Variants in DDX10 observed in about 807,000 individuals in gnomAD.
DDX10 encodes the protein probable ATP-dependent RNA helicase DDX10.
DDX10 carries 74 observed loss-of-function variants against 104.3 expected under a neutral mutation model. The observed-to-expected ratio is 0.71, with a 90% CI of 0.59 to 0.86. The LOEUF (loss-of-function observed/expected upper bound fraction) is 0.86, where lower values mean the gene tolerates loss of function less well. Among genes scored for constraint, DDX10 ranks in the 40% least tolerant of loss-of-function variants. The pLI, the probability that DDX10 is intolerant of heterozygous loss-of-function variation, is 0.00. For synonymous variants in DDX10, 351 were observed against 353.4 expected (o/e 0.99, Z 0.08); for missense variants, 952 against 1,040.0 (o/e 0.92, Z 1.16).
chr11:108,826,728 A>G (rs1175953204), intron 13 of DDX10, among the ~76,000 whole-genome samples: 3 of 152,340 alleles, frequency 2.0e-5, no homozygotes, highest in East Asian at 3.9e-4. Context: ...AGGTGATCAC[A>G]TCCGCATGCA....
chr11:108,890,536 T>G (rs1863361544), intron 16 of DDX10, among the ~76,000 whole-genome samples: 1 of 151,640 alleles, frequency 6.6e-6, no homozygotes, highest in African/African-American at 2.4e-5. Context: ...AACATGGTAC[T>G]TGCTGCTAGA....
At chr11:108,761,540 A>G (rs74576900) in intron 13 of DDX10, among the ~76,000 whole-genome samples, 2,208 of 152,104 alleles carry the variant, frequency 0.015, 22 homozygotes, top group Non-Finnish European at 0.019. Context: ...TTTTCCTATC[A>G]TTGTGTTGTC....
chr11:108,739,777 G>C (rs994084927), intron 13 of DDX10, among the ~76,000 whole-genome samples: 3 of 152,054 alleles, frequency 2.0e-5, no homozygotes, highest in Admixed American at 6.6e-5. Context: ...TGAAAAGCTG[G>C]GTCAGATGCC....
At chr11:108,718,109 G>T (rs2094293813) in intron 11 of DDX10, among the ~76,000 whole-genome samples, 1 of 152,010 alleles carries the variant, frequency 6.6e-6, no homozygotes, top group Non-Finnish European at 1.5e-5. Context: ...AGGTTATAGT[G>T]AGCCAAGATT....
Position 108,836,671 on chromosome 11 carries a change from TAG to T in DDX10, c.1966-1773_1966-1772del, listed in dbSNP as rs1862559655. ...CCAGCTAATTTTTTTATATTTTTAG[TAG>T]ATTCGGGGTTTTGCTGTGTTGGCTG... On this transcript the variant is annotated intron_variant, in intron 13 of 17. Transcript: ENST00000322536. Among the ~76,000 whole-genome samples the T allele has an allele frequency of 2.6e-5, 4 of 152,192 alleles. No individual in the cohort carries two copies. In the South Asian group the frequency reaches 8.3e-4, roughly 32 times the overall value.
At chr11:108,759,858 T>G (rs1393794858) in intron 13 of DDX10, among the ~76,000 whole-genome samples, 1 of 152,054 alleles carries the variant, frequency 6.6e-6, no homozygotes, top group African/African-American at 2.4e-5. Context: ...ATATTTAGTA[T>G]TATTATAAAA....
At position 108,770,631 on chromosome 11, in the gene DDX10, G is replaced by T. The variant is rs890657388; in HGVS notation, c.1965+47169G>T. Among the ~76,000 whole-genome samples, 13 of 151,700 alleles carry T rather than the reference G, an allele frequency of 8.6e-5. No individual in the cohort carries two copies. The South Asian group carries it at 2.7e-3, about 32-fold the overall frequency. ...GAATATGAAATGTTTGTCTTTCTGT[G>T]CCTGGCTTATTTCACTTAACATAAT... On this transcript the variant is annotated intron_variant, in intron 13 of 17. Coordinates refer to ENST00000322536, the MANE Select transcript of DDX10 (RefSeq NM_004398.4).
intron 15 of DDX10, 87 bp downstream of exon 15, chr11:108,841,563 G>A (rs1862639220): frequency 4.2e-6 from 5 of 1,203,968 alleles, no homozygotes; most frequent in Admixed American, 5.0e-5. Flanking sequence ...ATTAATAAGT[G>A]TATTATTTTC....
chr11:108,842,659 T>C (rs185154736), intron 15 of DDX10, among the ~76,000 whole-genome samples: 3 of 152,292 alleles, frequency 2.0e-5, no homozygotes, highest in African/African-American at 7.2e-5. Context: ...CTGGTTGTAA[T>C]TGTTGGATAT....
At chr11:108,726,628 G>T (rs2094305736) in intron 13 of DDX10, among the ~76,000 whole-genome samples, 1 of 152,024 alleles carries the variant, frequency 6.6e-6, no homozygotes, top group South Asian at 2.1e-4. Context: ...GTTTGTGAAT[G>T]AGGATGGTTT....
At chr11:108,866,607 A>G (rs1863010576) in intron 16 of DDX10, among the ~76,000 whole-genome samples, 1 of 152,220 alleles carries the variant, frequency 6.6e-6, no homozygotes, top group African/African-American at 2.4e-5. Flanking sequence ...AAAACTTGGC[A>G]TATATCATGT....
rs61996358 is a variant in DDX10 at position 108,723,220 on chromosome 11, A to C, written c.1723A>C (p.Asn575His). Residue 575 changes from asparagine (N) to histidine (H), a missense_variant, in exon 13 of 18, where the codon AAT becomes CAT. Physicochemically the swap from Asn to His is moderately conservative, Grantham distance 68. This residue lies in a region of DDX10 where 533 missense variants were observed against 534.1 expected (regional missense o/e 1.00). Transcript: ENST00000322536. Reference protein sequence around the residue: ...RLEGTEHRQDNDTGNEEQEEE... With the variant: ...RLEGTEHRQDHDTGNEEQEEE... ...CGAAGGGACAGAGCACAGACAGGAT[A>C]ATGATACTGGTAATGAAGAACAGGA... is the stretch of plus-strand genomic sequence containing the variant. The C allele has an allele frequency of 5.6e-6, 9 of 1,613,766 alleles. No individual in the cohort carries two copies. Among genetic ancestry groups the C allele is most frequent in the Non-Finnish European group, 7.6e-6 (9 of 1,179,844 alleles).
At chr11:108,930,468 T>C (rs1442138364) in intron 17 of DDX10, among the ~76,000 whole-genome samples, 1 of 152,196 alleles carries the variant, frequency 6.6e-6, no homozygotes, top group East Asian at 1.9e-4. Flanking sequence ...ATGAGCAGGA[T>C]TTTGTGTGGT....
At chr11:108,794,855 C>T (rs1176185480) in intron 13 of DDX10, among the ~76,000 whole-genome samples, 3 of 151,384 alleles carry the variant, frequency 2.0e-5, no homozygotes, top group Non-Finnish European at 4.4e-5. Context: ...GAGACAGGAG[C>T]TCACTCTGTT....
intron 13 of DDX10, among the ~76,000 whole-genome samples, chr11:108,824,655 G>A (rs1463531860): frequency 6.6e-6 from 1 of 152,148 alleles, no homozygotes; most frequent in Non-Finnish European, 1.5e-5. Context: ...GCTTCCAGCT[G>A]CTTGCTTCCT....
At chr11:108,808,106 TTGAG>T (rs1862125255) in intron 13 of DDX10, among the ~76,000 whole-genome samples, 2 of 152,078 alleles carry the variant, frequency 1.3e-5, no homozygotes, top group South Asian at 2.1e-4. Context: ...TTTAATCAGT[TTGAG>T]TGAGTGAGGG....
chr11:108,725,180 G>C (rs1260571470), intron 13 of DDX10, among the ~76,000 whole-genome samples: 1 of 152,070 alleles, frequency 6.6e-6, no homozygotes, highest in Non-Finnish European at 1.5e-5. Context: ...TGCTGAGTAA[G>C]TATTTCATTG....
At position 108,857,528 on chromosome 11, in the gene DDX10, C is replaced by T. The variant is rs1249833914; in HGVS notation, c.2304+5319C>T. 2.0e-5 allele frequency among the ~76,000 whole-genome samples: 3 copies of T among 152,330 alleles called. No individual in the cohort carries two copies. In the East Asian group the frequency reaches 5.8e-4, roughly 29 times the overall value. ...TGGTTGCACTTCTCTCTCTCTTTGG[C>T]TCTGGCTCTTGTTTTCCTTTGTGTG... is the stretch of plus-strand genomic sequence containing the variant. On this transcript the variant is annotated intron_variant, in intron 16 of 17. Transcript: ENST00000322536.
chr11:108,833,100 A>G (rs114022146), intron 13 of DDX10, among the ~76,000 whole-genome samples: 293 of 152,378 alleles, frequency 1.9e-3, no homozygotes, highest in African/African-American at 6.6e-3. Flanking sequence ...CTTGTCAGCC[A>G]TGTGTAAAAT....
Sources: gnomAD v4.1 joint callset for allele counts (sites outside exome capture counted in the v4.1 genomes callset) on GRCh38, gnomAD v4.1.1 for gene constraint, gnomAD v4.1.1 regional missense constraint, MANE v1.5 for transcripts, NCBI Gene and HGNC (gene_info 2026-07-23, HGNC 2026-07-21) for gene names.